The following CDH18 variants were observed in gnomAD, a reference collection of about 807,000 sequenced individuals.
CDH18 encodes the protein cadherin-18.
A neutral mutation model predicts 67.9 loss-of-function variants in CDH18; 31 were observed. The ratio of observed to expected loss-of-function variants is 0.46; its 90% CI spans 0.34 to 0.62. The LOEUF (loss-of-function observed/expected upper bound fraction) is 0.62. CDH18 is among the 20% of genes least tolerant of loss of function. The pLI is 0.01. For missense variants in CDH18, 890 were observed against 975.5 expected, an observed-to-expected ratio of 0.91 and a Z score of 1.17; for synonymous variants, 362 against 347.2, an observed-to-expected ratio of 1.04 and a Z score of -0.48.
At chr5:19,586,142 C>G (rs1366183691) in intron 7 of CDH18, among the ~76,000 whole-genome samples, 1 of 152,132 alleles carries the variant, frequency 6.6e-6, no homozygotes, top group African/African-American at 2.4e-5. Context: ...AATACTCTAA[C>G]AAATATTAGT....
intron 2 of CDH18, among the ~76,000 whole-genome samples, chr5:20,160,494 T>C (rs1256462447): frequency 6.6e-6 from 1 of 152,246 alleles, no homozygotes; most frequent in Non-Finnish European, 1.5e-5. Context: ...ATTTATCATG[T>C]GTTTTCCTAT....
intron 1 of CDH18, among the ~76,000 whole-genome samples, chr5:20,315,849 T>A (rs1263528643): frequency 6.6e-6 from 1 of 152,132 alleles, no homozygotes; most frequent in East Asian, 1.9e-4. Flanking sequence ...ATTATCTTAT[T>A]TTTGGTTTGT....
chr5:19,681,038 A>G (rs11960703), intron 5 of CDH18, among the ~76,000 whole-genome samples: 5,178 of 152,092 alleles, frequency 0.034, 283 homozygotes, highest in African/African-American at 0.12. Context: ...GCAGACTAAA[A>G]AAAGAAAATA....
In CDH18 at chr5:19,612,668, A is replaced by G. The variant is rs542902327; in HGVS notation, c.644-67T>C. The G allele has an allele frequency of 2.3e-5, 27 of 1,156,198 alleles. No individual in the cohort carries two copies. In the African/African-American group the frequency reaches 2.5e-4, roughly 11 times the overall value. 71.6% of individuals were successfully genotyped at this position (1,156,198 alleles called of 1,614,324 possible). A position where few individuals can be genotyped will look rare whatever the true frequency, so the allele number is the denominator to read the frequency against. On this transcript the variant is annotated intron_variant, in intron 5 of 12. Transcript: ENST00000382275. ...TAAGCAAGTATCAACAAACATACAC[A>G]TACATATTTTAAGAAATGTCTTTTA... is the stretch of plus-strand genomic sequence containing the variant.
At chr5:20,219,286 T>A (rs890353694) in intron 2 of CDH18, among the ~76,000 whole-genome samples, 2 of 151,232 alleles carry the variant, frequency 1.3e-5, no homozygotes, top group Admixed American at 1.3e-4. Context: ...CCATGAAAAA[T>A]CCAAAACCTG....
intron 11 of CDH18, among the ~76,000 whole-genome samples, chr5:19,497,524 T>C (rs954334469): frequency 4.6e-5 from 7 of 152,174 alleles, no homozygotes; most frequent in African/African-American, 1.7e-4. Flanking sequence ...AGGTGAATCA[T>C]CAGATTCCAA....
intron 2 of CDH18, among the ~76,000 whole-genome samples, chr5:19,911,984 T>C (rs1354534869): frequency 1.3e-5 from 2 of 152,038 alleles, no homozygotes; most frequent in African/African-American, 4.8e-5. Flanking sequence ...AAGCTGCTTT[T>C]GAGATGTTAA....
intron 1 of CDH18, among the ~76,000 whole-genome samples, chr5:20,379,801 AAC>A (rs869246737): frequency 2.2e-4 from 33 of 146,836 alleles, no homozygotes; most frequent in East Asian, 1.3e-3. Flanking sequence ...ATGAAAAAAA[AAC>A]ATTAAATTAT....
Position 20,145,387 on chromosome 5 carries a change from A to C in CDH18, c.-518+110057T>G, listed in dbSNP as rs544713446. Among the ~76,000 whole-genome samples, 7 of 152,294 alleles carry C rather than the reference A, an allele frequency of 4.6e-5. No homozygotes were observed. The East Asian group carries it at 1.4e-3, about 29-fold the overall frequency. On this transcript the variant is annotated intron_variant, in intron 2 of 14. Transcript: ENST00000507958. ...ATATGTTTTGCATACTCACCTGATA[A>C]ACTTCCTCATTTTTCAATAGTAAAT...
chr5:19,933,179 C>A (rs1299915354), intron 2 of CDH18, among the ~76,000 whole-genome samples: 1 of 151,442 alleles, frequency 6.6e-6, no homozygotes, highest in African/African-American at 2.4e-5. Context: ...TCCCATTTAA[C>A]CAGGATAAGA....
At chr5:20,382,161 C>T (rs1743959458) in intron 1 of CDH18, among the ~76,000 whole-genome samples, 1 of 152,024 alleles carries the variant, frequency 6.6e-6, no homozygotes, top group South Asian at 2.1e-4. Context: ...TAGCCAAATA[C>T]CAGATAGAGC....
chr5:20,472,449 A>AT (rs1414100996), intron 1 of CDH18, among the ~76,000 whole-genome samples: 1 of 152,206 alleles, frequency 6.6e-6, no homozygotes, highest in Non-Finnish European at 1.5e-5. Context: ...CTTGTGCCTG[A>AT]TGTACATAGT....
intron 2 of CDH18, among the ~76,000 whole-genome samples, chr5:20,227,584 T>G (rs559635215): frequency 2.6e-5 from 4 of 152,264 alleles, no homozygotes; most frequent in South Asian, 4.1e-4. Flanking sequence ...AAGCAATTTT[T>G]GTCTTCTTTT....
At chr5:20,411,232 G>C (rs1382855625) in intron 1 of CDH18, among the ~76,000 whole-genome samples, 1 of 151,976 alleles carries the variant, frequency 6.6e-6, no homozygotes. Flanking sequence ...AAGTAAAACA[G>C]TGTGCTACTG....
chr5:20,194,961 G>A (rs1031827106), intron 2 of CDH18, among the ~76,000 whole-genome samples: 2 of 152,028 alleles, frequency 1.3e-5, no homozygotes, highest in African/African-American at 2.4e-5. Context: ...TCATGAGGAT[G>A]CTTTGAGGGT....
intron 2 of CDH18, among the ~76,000 whole-genome samples, chr5:20,172,242 A>ATATATATATATACGTG (rs1736888018): frequency 1.8e-4 from 10 of 56,700 alleles, no homozygotes; most frequent in Admixed American, 6.7e-4. Flanking sequence ...ATATATATGT[A>ATATATATATATACGTG]TATATATATA....
intron 2 of CDH18, among the ~76,000 whole-genome samples, chr5:19,882,398 T>G (rs923751940): frequency 6.6e-6 from 1 of 152,168 alleles, no homozygotes; most frequent in South Asian, 2.1e-4. Context: ...CATTACCTTG[T>G]GGCTGTTTTA....
chr5:20,265,780 T>G (rs1047273562), intron 1 of CDH18, among the ~76,000 whole-genome samples: 2 of 152,200 alleles, frequency 1.3e-5, no homozygotes, highest in African/African-American at 2.4e-5. Context: ...ATGTGAAGAT[T>G]AATTTTATGT....
intron 2 of CDH18, among the ~76,000 whole-genome samples, chr5:19,894,583 T>C (rs949288609): frequency 2.6e-5 from 4 of 152,126 alleles, no homozygotes; most frequent in African/African-American, 9.7e-5. Context: ...ACTTATTCTT[T>C]ATATTTTTGT....
Sources: gnomAD v4.1 joint callset for allele counts (sites outside exome capture counted in the v4.1 genomes callset) on GRCh38, gnomAD v4.1.1 for gene constraint, MANE v1.5 for transcripts, NCBI Gene and HGNC (gene_info 2026-07-23, HGNC 2026-07-21) for gene names.